EPM2A: variants seen among roughly 807,000 people sequenced by gnomAD.
EPM2A encodes the protein laforin.
Under a neutral mutation model 26.5 loss-of-function variants are expected in EPM2A, and 21 were observed. The ratio of observed to expected loss-of-function variants is 0.79; its 90% CI spans 0.56 to 1.14. The LOEUF is 1.14. Ranked by LOEUF, EPM2A falls within the 50% of genes most tolerant of loss-of-function variation. The probability of loss-of-function intolerance (pLI) is 0.00; values close to 1 mark genes in which losing one functional copy is unlikely to be tolerated. For synonymous variants in EPM2A, 217 were observed against 177.6 expected (o/e 1.22, Z -1.76); for missense variants, 458 against 440.8 (o/e 1.04, Z -0.35).
At chr6:145,502,459 T>C (rs1014620572) in intron 3 of EPM2A, 1 of 465,516 alleles carries the variant, frequency 2.1e-6, no homozygotes, top group Non-Finnish European at 4.4e-6. Flanking sequence ...ATGACTTTCC[T>C]GAAGAAGAGA....
intron 2 of EPM2A, among the ~76,000 whole-genome samples, chr6:145,539,931 C>A (rs1388177171): frequency 6.6e-6 from 1 of 152,280 alleles, no homozygotes; most frequent in Non-Finnish European, 1.5e-5. Flanking sequence ...CCACCTTAAA[C>A]ATCCCAGGGC....
At chr6:145,385,705 A>C (rs1778251032) in intron 4 of EPM2A, among the ~76,000 whole-genome samples, 1 of 152,116 alleles carries the variant, frequency 6.6e-6, no homozygotes, top group African/African-American at 2.4e-5. Flanking sequence ...AAAAACCTTC[A>C]TCGTATTTAA....
At chr6:145,460,967 G>A (rs1193364736) in intron 4 of EPM2A, among the ~76,000 whole-genome samples, 1 of 152,028 alleles carries the variant, frequency 6.6e-6, no homozygotes, top group Non-Finnish European at 1.5e-5. Flanking sequence ...ATGGAGAACT[G>A]GTAATTAGTG....
chr6:145,417,800 C>T (rs1053982970), intron 4 of EPM2A, among the ~76,000 whole-genome samples: 2 of 149,376 alleles, frequency 1.3e-5, no homozygotes, highest in East Asian at 1.9e-4. Context: ...TGCAGAAAGT[C>T]CTCCCCATGG....
intron 1 of EPM2A, among the ~76,000 whole-genome samples, chr6:145,698,328 T>C (rs1781729827): frequency 1.3e-5 from 2 of 152,142 alleles, no homozygotes; most frequent in African/African-American, 2.4e-5. Flanking sequence ...GCGTTAGCCC[T>C]CTCAAAGGTA....
chr6:145,493,387 G>C (rs1383499831), intron 4 of EPM2A, among the ~76,000 whole-genome samples: 2 of 152,128 alleles, frequency 1.3e-5, no homozygotes, highest in Non-Finnish European at 2.9e-5. Context: ...AAGCTTTTGG[G>C]CTGATATGTT....
At chr6:145,584,124 C>T (rs989525592) in intron 2 of EPM2A, among the ~76,000 whole-genome samples, 19 of 152,156 alleles carry the variant, frequency 1.2e-4, no homozygotes, top group African/African-American at 4.3e-4. Context: ...GTGCGTGCAT[C>T]GGCAAAGCAA....
chr6:145,398,946 T>G (rs904885675), intron 4 of EPM2A, among the ~76,000 whole-genome samples: 2 of 152,116 alleles, frequency 1.3e-5, no homozygotes, highest in African/African-American at 4.8e-5. Context: ...TTGTCAACTT[T>G]CTGAGTCCAA....
chr6:145,717,627 G>T (rs1219737033), intron 1 of EPM2A, among the ~76,000 whole-genome samples: 1 of 152,056 alleles, frequency 6.6e-6, no homozygotes, highest in African/African-American at 2.4e-5. Context: ...CGGCAATTAG[G>T]CAGGAGAAAG....
At chr6:145,468,025 A>T (rs1462255965) in intron 4 of EPM2A, among the ~76,000 whole-genome samples, 1 of 152,028 alleles carries the variant, frequency 6.6e-6, no homozygotes, top group Non-Finnish European at 1.5e-5. Flanking sequence ...AGTTTAATCC[A>T]TATATTTTGG....
intron 2 of EPM2A, chr6:145,640,784 G>C (rs1340492289): frequency 6.6e-6 from 1 of 152,086 alleles, no homozygotes; most frequent in Non-Finnish European, 1.5e-5. Flanking sequence ...TAAGCTCCAG[G>C]CTTCAGTAGC....
At chr6:145,656,168 A>C (rs905259397) in intron 2 of EPM2A, among the ~76,000 whole-genome samples, 1 of 152,226 alleles carries the variant, frequency 6.6e-6, no homozygotes, top group African/African-American at 2.4e-5. Context: ...GACATACAGC[A>C]CTCACTTCCT....
At chr6:145,701,814 AC>A (rs992480845) in intron 1 of EPM2A, among the ~76,000 whole-genome samples, 2 of 152,236 alleles carry the variant, frequency 1.3e-5, no homozygotes, top group Non-Finnish European at 2.9e-5. Flanking sequence ...TCCATGTATT[AC>A]ATTTTTAATT....
intron 2 of EPM2A, among the ~76,000 whole-genome samples, chr6:145,663,798 A>T (rs1030093941): frequency 9.0e-6 from 1 of 111,188 alleles, no homozygotes; most frequent in Non-Finnish European, 1.9e-5. Flanking sequence ...GAAGCCCATC[A>T]GACTAACAGC....
intron 1 of EPM2A, among the ~76,000 whole-genome samples, chr6:145,691,933 A>G (rs551561555): frequency 2.6e-5 from 4 of 152,180 alleles, no homozygotes; most frequent in South Asian, 2.1e-4. Flanking sequence ...ATGAAAATAC[A>G]AAAGTTGGCA....
intron 4 of EPM2A, among the ~76,000 whole-genome samples, chr6:145,452,017 A>T (rs192964006): frequency 6.6e-6 from 1 of 152,180 alleles, no homozygotes; most frequent in African/African-American, 2.4e-5. Context: ...TCTTGCTAGC[A>T]TTCTCCTTCC....
At chr6:145,734,682 G>A (rs1408058737) in intron 1 of EPM2A, 1 of 152,108 alleles carries the variant, frequency 6.6e-6, no homozygotes, top group African/African-American at 2.4e-5. Context: ...ATCGTTTTGG[G>A]TTTTTTTTAG....
At chr6:145,600,854 A>G (rs1181219680) in intron 2 of EPM2A, among the ~76,000 whole-genome samples, 1 of 152,164 alleles carries the variant, frequency 6.6e-6, no homozygotes, top group Non-Finnish European at 1.5e-5. Context: ...TCTTCAGCAG[A>G]GTGTCTTTCA....
intron 4 of EPM2A, among the ~76,000 whole-genome samples, chr6:145,392,133 T>C (rs912467144): frequency 2.0e-5 from 3 of 152,178 alleles, no homozygotes; most frequent in Non-Finnish European, 2.9e-5. Context: ...ATTTAAAGCT[T>C]TGTTGGTCAC....
Sources: allele counts gnomAD v4.1 joint callset (sites outside exome capture counted in the v4.1 genomes callset), GRCh38; gene constraint gnomAD v4.1.1; transcripts MANE v1.5; gene names NCBI Gene and HGNC (gene_info 2026-07-23, HGNC 2026-07-21).